The following VPS8 variants were observed in gnomAD, a reference collection of about 807,000 sequenced individuals.
VPS8 encodes the protein vacuolar protein sorting-associated protein 8 homolog.
A neutral mutation model predicts 216.4 loss-of-function variants in VPS8; 129 were observed. That is an observed-to-expected ratio of 0.60 (90% CI 0.52 to 0.69). VPS8 has a LOEUF of 0.69. VPS8 is among the 30% of genes least tolerant of loss of function. The pLI is 0.00. For synonymous variants in VPS8, 571 were observed against 565.4 expected (o/e 1.01, Z -0.14); for missense variants, 1,531 against 1,683.5 (o/e 0.91, Z 1.59).
At chr3:185,023,527 C>T (rs777930396) in intron 45 of VPS8, among the ~76,000 whole-genome samples, 24 of 152,160 alleles carry the variant, frequency 1.6e-4, no homozygotes, top group Non-Finnish European at 3.1e-4. Context: ...GGCATGGTGG[C>T]GCATACCTGT....
At chr3:184,834,945 T>C in intron 5 of VPS8, 1 of 455,984 alleles carries the variant, frequency 2.2e-6, no homozygotes, top group East Asian at 3.4e-5. Flanking sequence ...GCCATGAAAA[T>C]AAAGTTCTGC....
intron 26 of VPS8, among the ~76,000 whole-genome samples, chr3:184,914,369 C>T (rs1485538662): frequency 1.3e-5 from 2 of 151,904 alleles, no homozygotes; most frequent in African/African-American, 2.4e-5. Flanking sequence ...CCCTCCCCGC[C>T]AAAAAATAGA....
intron 43 of VPS8, among the ~76,000 whole-genome samples, chr3:184,995,721 A>C (rs1406197124): frequency 6.6e-6 from 1 of 152,222 alleles, no homozygotes; most frequent in African/African-American, 2.4e-5. Context: ...AAAATGACTT[A>C]ATGTGATAGC....
chr3:184,994,588 C>A (rs888306029), intron 43 of VPS8, among the ~76,000 whole-genome samples: 2 of 151,858 alleles, frequency 1.3e-5, no homozygotes, highest in African/African-American at 4.8e-5. Context: ...TATTTTAATT[C>A]ATTGGCAATG....
At chr3:184,851,419 G>A (rs147158250) in intron 10 of VPS8, among the ~76,000 whole-genome samples, 378 of 152,058 alleles carry the variant, frequency 2.5e-3, no homozygotes, top group African/African-American at 8.6e-3. Flanking sequence ...ACTTAAGCCT[G>A]TATCTCATCA....
chr3:184,888,867 G>A (rs1731799155), intron 22 of VPS8, among the ~76,000 whole-genome samples: 1 of 152,140 alleles, frequency 6.6e-6, no homozygotes, highest in Non-Finnish European at 1.5e-5. Flanking sequence ...TGGTTGAACT[G>A]ATGAAGTAAT....
At chr3:184,971,176 G>T (rs1391763437) in intron 39 of VPS8, among the ~76,000 whole-genome samples, 1 of 152,192 alleles carries the variant, frequency 6.6e-6, no homozygotes, top group African/African-American at 2.4e-5. Flanking sequence ...ATGGAATAAA[G>T]ATTGGAGATG....
At chr3:185,050,716 G>GTTA (rs1714032881) in intron 47 of VPS8, among the ~76,000 whole-genome samples, 1 of 152,214 alleles carries the variant, frequency 6.6e-6, no homozygotes, top group Admixed American at 6.5e-5. Context: ...ACCAGAGGTT[G>GTTA]TTAGACATCC....
intron 45 of VPS8, among the ~76,000 whole-genome samples, chr3:185,010,501 A>G (rs887310802): frequency 2.6e-5 from 4 of 152,214 alleles, no homozygotes; most frequent in Non-Finnish European, 5.9e-5. Flanking sequence ...TATGTTCAAG[A>G]AGCTAGAAGA....
Position 184,894,718 on chromosome 3 carries a change from T to C in VPS8, c.1797T>C (p.Ser599=), listed in dbSNP as rs373086136. The change falls in exon 23 of 48, where the codon AGT becomes AGC. Residue 599 remains serine (S), a synonymous_variant. Transcript: ENST00000625842. ...LLLQRKDLLF[S]QMYDKLSENS... is the part of the protein sequence containing the mutation. ...TCTGTTACAGGGATCTTTTATTTAG[T>C]CAGATGTATGATAAATTAAGTGAGA... is the stretch of plus-strand genomic sequence containing the variant. 8 of 1,600,726 alleles carry C rather than the reference T, an allele frequency of 5.0e-6. No individual in the cohort carries two copies. The African/African-American group carries it at 5.4e-5, about 11-fold the overall frequency.
At chr3:184,883,022 A>C (rs1008523569) in intron 21 of VPS8, among the ~76,000 whole-genome samples, 1 of 152,182 alleles carries the variant, frequency 6.6e-6, no homozygotes, top group African/African-American at 2.4e-5. Flanking sequence ...CCAAATTGCT[A>C]AACGCAATAA....
At chr3:184,922,226 T>G (rs1330337110) in intron 29 of VPS8, among the ~76,000 whole-genome samples, 1 of 152,218 alleles carries the variant, frequency 6.6e-6, no homozygotes, top group Admixed American at 6.5e-5. Flanking sequence ...GAGAAACTGT[T>G]TTGAACGCTC....
chr3:184,904,618 G>T lies in VPS8; in HGVS notation c.2146+3646G>T, dbSNP rs554228868. Among the ~76,000 whole-genome samples the T allele has an allele frequency of 2.7e-3, 418 of 152,236 alleles. 2 individuals carry two copies. The highest frequency in any genetic ancestry group is 9.9e-3 in the African/African-American group (413 of 41,540). ...ATTTCTCAAGGATTTGTGTGTGTAT[G>T]TTCATAAGAGATATTGTTCTACAGT... On this transcript the variant is annotated intron_variant, in intron 25 of 47. Coordinates refer to ENST00000625842, the MANE Select transcript of VPS8 (RefSeq NM_001009921.3).
chr3:184,934,736 T>C (rs1033442242), intron 34 of VPS8, among the ~76,000 whole-genome samples: 7 of 152,338 alleles, frequency 4.6e-5, no homozygotes, highest in Admixed American at 1.3e-4. Flanking sequence ...GATCCTGATA[T>C]ATTATTTTTA....
chr3:185,031,094 G>C (rs544455682), intron 46 of VPS8, among the ~76,000 whole-genome samples: 45 of 91,872 alleles, frequency 4.9e-4, no homozygotes, highest in African/African-American at 2.6e-3. Context: ...TTTTTTTTAA[G>C]GGAAAAAGCC....
At chr3:184,841,279 T>C (rs1039571484) in intron 7 of VPS8, among the ~76,000 whole-genome samples, 3 of 152,154 alleles carry the variant, frequency 2.0e-5, no homozygotes, top group African/African-American at 7.2e-5. Flanking sequence ...ATGTAATCTT[T>C]TAGTCTTTTT....
At chr3:185,010,960 TG>T (rs2109992474) in intron 45 of VPS8, among the ~76,000 whole-genome samples, 1 of 152,020 alleles carries the variant, frequency 6.6e-6, no homozygotes, top group East Asian at 1.9e-4. Flanking sequence ...GATTGTTCCA[TG>T]GGACTCCAGC....
In VPS8 at chr3:184,824,721, A is replaced by G. The variant is rs1046879310; in HGVS notation, c.89A>G (p.Glu30Gly). 2 of 1,613,722 alleles carry G rather than the reference A, an allele frequency of 1.2e-6. No individual in the cohort carries two copies. Among genetic ancestry groups the G allele is most frequent in the Non-Finnish European group, 8.5e-7 (1 of 1,179,830 alleles). Reference protein sequence around the residue: ...EEELNKSFNLEASLSKFSYID... With the variant: ...EEELNKSFNLGASLSKFSYID... ...GAGCTGAATAAGTCTTTCAATCTAG[A>G]AGCTTCACTTTCAAAATTCTCTTAC... The change falls in exon 2 of 48, where the codon GAA (glutamate) becomes GGA (glycine). Residue 30 changes from glutamate to glycine, a missense_variant. Glu to Gly is a moderately conservative substitution (Grantham distance 98, BLOSUM62 -2). This residue lies in a region of VPS8 where 199 missense variants were observed against 182.2 expected (regional missense o/e 1.09). Transcript: ENST00000625842.
At chr3:184,831,833 A>G (rs1335137544) in intron 3 of VPS8, among the ~76,000 whole-genome samples, 2 of 152,180 alleles carry the variant, frequency 1.3e-5, no homozygotes, top group African/African-American at 4.8e-5. Flanking sequence ...ATAGTGCAAT[A>G]GCCCTCTTAC....
Sources: allele counts gnomAD v4.1 joint callset (sites outside exome capture counted in the v4.1 genomes callset), GRCh38; gene constraint gnomAD v4.1.1; regional missense constraint gnomAD v4.1.1; transcripts MANE v1.5; gene names NCBI Gene and HGNC (gene_info 2026-07-23, HGNC 2026-07-21).